Variants in NSD1 observed in about 807,000 individuals in gnomAD.
NSD1 encodes nuclear receptor binding SET domain protein 1, also known as histone-lysine N-methyltransferase, H3 lysine-36 specific.
A neutral mutation model predicts 242.7 loss-of-function variants in NSD1; 26 were observed. The ratio of observed to expected loss-of-function variants is 0.11; its 90% CI spans 0.08 to 0.15. NSD1 has a LOEUF of 0.15. NSD1 is among the 10% of genes least tolerant of loss of function. The pLI is 1.00. For missense variants in NSD1, 2,495 were observed against 3,272.8 expected (o/e 0.76, Z 5.80); for synonymous variants, 1,106 against 1,178.1 (o/e 0.94, Z 1.25).
chr5:177,221,243 G>T (rs376885858), intron 5 of NSD1, among the ~76,000 whole-genome samples: 1 of 151,172 alleles, frequency 6.6e-6, no homozygotes, highest in Non-Finnish European at 1.5e-5. Context: ...ATTGTTTCTC[G>T]TCTGGTTTGT....
chr5:177,197,603 G>A (rs1762201064), intron 3 of NSD1, among the ~76,000 whole-genome samples: 1 of 152,178 alleles, frequency 6.6e-6, no homozygotes, highest in Non-Finnish European at 1.5e-5. Context: ...GCCTGGGCGA[G>A]AGTGCGAGAC....
rs2149849544 is a variant in NSD1, at chr5:177,212,158, T to C, written c.3759T>C (p.Ile1253=). ...SIGDMEKEPG[I]PSLTPQAELP... Reference sequence around the variant, plus strand: ...GTGACATGGAAAAGGAGCCAGGAATTCCCAGTTTGACACCACAGGCTGAGC... The same window carrying C: ...GTGACATGGAAAAGGAGCCAGGAATCCCCAGTTTGACACCACAGGCTGAGC... The change falls in exon 5 of 23, where the codon ATT becomes ATC. Residue 1253 remains isoleucine (I), a synonymous_variant. Coordinates refer to ENST00000439151, the MANE Select transcript of NSD1 (RefSeq NM_022455.5). 1 of 1,613,838 alleles carries C rather than the reference T, an allele frequency of 6.2e-7. No homozygotes were observed. The highest frequency in any genetic ancestry group is 8.5e-7 in the Non-Finnish European group (1 of 1,179,980).
At position 177,273,682 on chromosome 5, in the gene NSD1, A is replaced by G. The variant is rs140815139; in HGVS notation, c.5520A>G (p.Glu1840=). Residue 1840 remains glutamate, a synonymous_variant, in exon 17 of 23, where the codon GAA becomes GAG. Coordinates refer to ENST00000439151, the MANE Select transcript of NSD1 (RefSeq NM_022455.5). ...VDGTYKKALQ[E]AAARFEELKA... Reference sequence around the variant, plus strand: ...TGTCTGTTTTCATAGCTCTTCAGGAAGCTGCAGCAAGGTTTGAGGAATTAA... The same window carrying G: ...TGTCTGTTTTCATAGCTCTTCAGGAGGCTGCAGCAAGGTTTGAGGAATTAA... 1.2e-4 allele frequency: 193 copies of G among 1,612,698 alleles called. No individual in the cohort carries two copies. In the African/African-American group the frequency reaches 2.3e-3, roughly 19 times the overall value.
At chr5:177,144,206 A>G (rs1449642461) in intron 2 of NSD1, among the ~76,000 whole-genome samples, 1 of 151,506 alleles carries the variant, frequency 6.6e-6, no homozygotes, top group Non-Finnish European at 1.5e-5. Context: ...GAATTTCAAG[A>G]AAGATATTTT....
intron 5 of NSD1, among the ~76,000 whole-genome samples, chr5:177,221,653 T>G (rs1260472348): frequency 6.6e-6 from 1 of 151,998 alleles, no homozygotes; most frequent in Non-Finnish European, 1.5e-5. Flanking sequence ...GCATTTTTAG[T>G]AGAGATGGGG....
intron 14 of NSD1, chr5:177,265,454 C>T (rs550395851): frequency 4.5e-5 from 28 of 617,296 alleles, no homozygotes; most frequent in Admixed American, 4.4e-4. Flanking sequence ...ATCCCCCCAG[C>T]CCAGGCCCCT....
In NSD1 at chr5:177,210,270, T is replaced by C; in HGVS notation, c.1871T>C (p.Ile624Thr). 6.2e-7 allele frequency: 1 copy of C among 1,607,612 alleles called. No individual in the cohort carries two copies. Among genetic ancestry groups the C allele is most frequent in the Non-Finnish European group, 8.5e-7 (1 of 1,176,492 alleles). ...VCGSKVKLCY[I>T]GAGDEEKRSD... ...GGTTCAAAAGTGAAGCTCTGCTATA[T>C]TGGAGCAGGTGATGAGGAAAAGCGA... The change falls in exon 5 of 23, where the codon ATT becomes ACT. Residue 624 changes from isoleucine to threonine, a missense_variant. Physicochemically the swap from Ile to Thr is moderately conservative, Grantham distance 89 (BLOSUM62 -1). Transcript: ENST00000439151.
At chr5:177,268,600 CTG>C (rs1194774241) in intron 15 of NSD1, among the ~76,000 whole-genome samples, 2 of 152,128 alleles carry the variant, frequency 1.3e-5, no homozygotes, top group East Asian at 3.8e-4. Flanking sequence ...AAATAGAACA[CTG>C]TTGGTACTTT....
chr5:177,247,319 A>T (rs1377675938), intron 10 of NSD1, among the ~76,000 whole-genome samples: 1 of 152,154 alleles, frequency 6.6e-6, no homozygotes, highest in East Asian at 1.9e-4. Context: ...AATTCCAGCT[A>T]ATCGGGCAGA....
intron 11 of NSD1, among the ~76,000 whole-genome samples, chr5:177,248,977 G>A (rs1012409505): frequency 6.6e-6 from 1 of 152,078 alleles, no homozygotes; most frequent in Non-Finnish European, 1.5e-5. Flanking sequence ...CTCCCTCTCC[G>A]TTTTTCTAAC....
chr5:177,163,047 A>G (rs1581172836), intron 2 of NSD1, among the ~76,000 whole-genome samples: 1 of 152,052 alleles, frequency 6.6e-6, no homozygotes. Context: ...TCCTGGGATT[A>G]CTGCTGGCCT....
At chr5:177,221,121 CT>C (rs1764201652) in intron 5 of NSD1, 4 of 433,106 alleles carry the variant, frequency 9.2e-6, no homozygotes, top group South Asian at 6.7e-5. Context: ...GATCCACCCA[CT>C]TTGGCCTCCC....
At chr5:177,212,402 C>G (rs545526394) in intron 5 of NSD1, among the ~76,000 whole-genome samples, 1 of 151,774 alleles carries the variant, frequency 6.6e-6, no homozygotes, top group Non-Finnish European at 1.5e-5. Flanking sequence ...TAAACTTTAC[C>G]AGAAGCCCTT....
At chr5:177,207,593 ATTT>A (rs150492535) in intron 4 of NSD1, among the ~76,000 whole-genome samples, 13 of 78,216 alleles carry the variant, frequency 1.7e-4, no homozygotes, top group African/African-American at 7.8e-4. Context: ...ATTTATTTAA[ATTT>A]TTTTTTTTTT....
In NSD1 at chr5:177,214,366, A is replaced by T. The variant is rs544623385; in HGVS notation, c.3796+2171A>T. The stretch of plus-strand genomic sequence containing the variant: ...CCATTTCAAAATAAACAAACAAAAA[A>T]ACAGTATTTAAGTGTGTATTATAGT... On this transcript the variant is annotated intron_variant, in intron 5 of 22. Transcript: ENST00000439151. 1.1e-3 allele frequency among the ~76,000 whole-genome samples: 160 copies of T among 152,232 alleles called. 1 individual carries two copies. The highest frequency in any genetic ancestry group is 3.7e-3 in the African/African-American group (152 of 41,554).
chr5:177,268,929 G>A (rs539381693), intron 15 of NSD1, among the ~76,000 whole-genome samples: 2 of 151,952 alleles, frequency 1.3e-5, no homozygotes, highest in South Asian at 4.2e-4. Context: ...AGTTTTTCTT[G>A]GTTTATATAC....
intron 5 of NSD1, among the ~76,000 whole-genome samples, chr5:177,212,487 C>CTCT (rs1554190565): frequency 3.2e-5 from 4 of 126,952 alleles, no homozygotes; most frequent in Non-Finnish European, 4.7e-5. Context: ...CTCTCTCTCT[C>CTCT]TTTTTTTTTT....
rs1760478346 is a variant in NSD1, at chr5:177,299,787, G to A, written c.*4328G>A. On this transcript the variant is annotated 3_prime_UTR_variant, in exon 23 of 23. Transcript: ENST00000439151. ...GCAAAGTTTCGTGGACAAGACATGG[G>A]CACAGAGAGTAGAAGCAGAAATAAA... 4 of 233,178 alleles carry A rather than the reference G, an allele frequency of 1.7e-5. No homozygotes were observed. Among genetic ancestry groups the A allele is most frequent in the Non-Finnish European group, 3.4e-5 (4 of 118,074 alleles). The allele number at this position is 233,178 out of a possible 1,614,324, so 14.4% of individuals were successfully genotyped here. A position where few individuals can be genotyped will look rare whatever the true frequency, so the allele number is the denominator to read the frequency against.
chr5:177,137,993 T>A (rs1038697494), intron 2 of NSD1, among the ~76,000 whole-genome samples: 1 of 151,554 alleles, frequency 6.6e-6, no homozygotes, highest in Non-Finnish European at 1.5e-5. Flanking sequence ...GAGAATCGCT[T>A]GAACCCAGGA....
Sources: allele counts gnomAD v4.1 joint callset (sites outside exome capture counted in the v4.1 genomes callset), GRCh38; gene constraint gnomAD v4.1.1; transcripts MANE v1.5; gene names NCBI Gene and HGNC (gene_info 2026-07-23, HGNC 2026-07-21).